Variants in PTPRM observed in about 807,000 individuals in gnomAD.
The protein encoded by PTPRM is protein tyrosine phosphatase receptor type M, also known as receptor-type tyrosine-protein phosphatase mu.
Under a neutral mutation model 186.7 loss-of-function variants are expected in PTPRM, and 47 were observed. The ratio of observed to expected loss-of-function variants is 0.25; its 90% CI spans 0.20 to 0.32. PTPRM has a LOEUF of 0.32. Among genes scored for constraint, PTPRM ranks in the 10% least tolerant of loss-of-function variants. The probability of loss-of-function intolerance (pLI) is 1.00; values close to 1 mark genes in which losing one functional copy is unlikely to be tolerated. For synonymous variants in PTPRM, 668 were observed against 674.9 expected (o/e 0.99, Z 0.16); for missense variants, 1,494 against 1,865.0 (o/e 0.80, Z 3.66).
At position 8,039,457 on chromosome 18, in the gene PTPRM, T is replaced by G. The variant is rs975399488; in HGVS notation, c.1133-30229T>G. Among the ~76,000 whole-genome samples, 3 of 152,276 alleles carry G rather than the reference T, an allele frequency of 2.0e-5. No homozygotes were observed. In the East Asian group the frequency reaches 5.8e-4, roughly 29 times the overall value. On this transcript the variant is annotated intron_variant, in intron 7 of 32. Transcript: ENST00000580170. Reference sequence around the variant, plus strand: ...ATACTGTTTGATTCTATAATAAGTATTCAAAAAATGGTAGGGATTATCTTT... The same window carrying G: ...ATACTGTTTGATTCTATAATAAGTAGTCAAAAAATGGTAGGGATTATCTTT...
chr18:7,872,671 C>T (rs1419549871), intron 2 of PTPRM, among the ~76,000 whole-genome samples: 1 of 152,152 alleles, frequency 6.6e-6, no homozygotes, highest in Non-Finnish European at 1.5e-5. Context: ...ATTCACGTGG[C>T]ATCTCTTGAC....
In PTPRM at chr18:7,888,235, C is replaced by A. The variant is rs2048884570; in HGVS notation, c.326C>A (p.Ser109Tyr). Residue 109 changes from serine (S) to tyrosine (Y), a missense_variant, in exon 3 of 33, where the codon TCT becomes TAT. By Grantham distance (144) the Ser-to-Tyr change is moderately radical. Coordinates refer to ENST00000580170, the MANE Select transcript of PTPRM (RefSeq NM_001105244.2). ...TATTTTGTGTCCAGCAAGAGTAATT[C>A]TCCTCCGGGGTTACTCAATGTCTAC... The part of the protein sequence containing the change: ...FHYFVSSKSN[S>Y]PPGLLNVYVK... The A allele has an allele frequency of 6.2e-7, 1 of 1,614,012 alleles. No individual in the cohort carries two copies. Among genetic ancestry groups the A allele is most frequent in the Non-Finnish European group, 8.5e-7 (1 of 1,180,022 alleles).
chr18:7,662,761 G>A (rs574034910), intron 1 of PTPRM, among the ~76,000 whole-genome samples: 14 of 151,938 alleles, frequency 9.2e-5, no homozygotes, highest in East Asian at 3.8e-4. Context: ...TGTATACCCC[G>A]TTTACCCTGA....
intron 1 of PTPRM, chr18:7,749,150 C>T (rs2041089170): frequency 6.6e-6 from 1 of 152,174 alleles, no homozygotes; most frequent in African/African-American, 2.4e-5. Flanking sequence ...TCATGAAGAA[C>T]CAAGGGGCAC....
chr18:8,218,122 C>T (rs2094111442), intron 14 of PTPRM, among the ~76,000 whole-genome samples: 1 of 152,156 alleles, frequency 6.6e-6, no homozygotes, highest in South Asian at 2.1e-4. Context: ...ATTACAGCTA[C>T]ACATGTCCTT....
At chr18:8,043,972 T>C (rs661644) in intron 7 of PTPRM, among the ~76,000 whole-genome samples, 151,201 of 152,322 alleles carry the variant, frequency 0.99, 75,047 homozygotes, top group Middle Eastern at 1. Context: ...AGACCGGGCT[T>C]CTGCACCCTC....
intron 7 of PTPRM, among the ~76,000 whole-genome samples, chr18:7,959,431 TC>T (rs1445640387): frequency 6.6e-6 from 1 of 152,188 alleles, no homozygotes; most frequent in East Asian, 1.9e-4. Context: ...GTGACACCTG[TC>T]CTATCATTTT....
At chr18:7,621,521 A>G (rs1158184795) in intron 1 of PTPRM, among the ~76,000 whole-genome samples, 1 of 152,148 alleles carries the variant, frequency 6.6e-6, no homozygotes, top group Non-Finnish European at 1.5e-5. Flanking sequence ...GATGTTGAAC[A>G]TTATGTGGGT....
chr18:8,030,974 T>C (rs2085928064), intron 7 of PTPRM, among the ~76,000 whole-genome samples: 2 of 152,220 alleles, frequency 1.3e-5, no homozygotes, highest in Admixed American at 6.5e-5. Context: ...ATACTTGTGT[T>C]TTCTTTATAC....
At chr18:7,650,212 T>C (rs2038664832) in intron 1 of PTPRM, among the ~76,000 whole-genome samples, 1 of 152,102 alleles carries the variant, frequency 6.6e-6, no homozygotes, top group South Asian at 2.1e-4. Flanking sequence ...TTTCATATCT[T>C]CAAGGGGCCC....
At chr18:8,267,967 T>G (rs2094722522) in intron 19 of PTPRM, among the ~76,000 whole-genome samples, 2 of 152,216 alleles carry the variant, frequency 1.3e-5, no homozygotes, top group African/African-American at 4.8e-5. Context: ...TATTATTATT[T>G]GTCTCCTACT....
intron 6 of PTPRM, 46 bp downstream of exon 6, chr18:7,949,401 T>C (rs866735892): frequency 6.8e-7 from 1 of 1,477,456 alleles, no homozygotes; most frequent in Non-Finnish European, 9.2e-7. Context: ...AAAGTAGATA[T>C]GTTAGGTGTT....
chr18:7,802,828 A>C (rs1016923276), intron 2 of PTPRM, among the ~76,000 whole-genome samples: 2 of 152,212 alleles, frequency 1.3e-5, no homozygotes, highest in Non-Finnish European at 2.9e-5. Context: ...AAAAACTGTT[A>C]TGTTTCATGC....
intron 14 of PTPRM, among the ~76,000 whole-genome samples, chr18:8,175,815 C>T (rs571007125): frequency 3.9e-5 from 6 of 152,282 alleles, no homozygotes; most frequent in East Asian, 1.9e-4. Context: ...TGAAACATTA[C>T]GTATTTTAGC....
intron 24 of PTPRM, among the ~76,000 whole-genome samples, chr18:8,373,688 C>T (rs922700607): frequency 6.6e-6 from 1 of 152,124 alleles, no homozygotes; most frequent in East Asian, 1.9e-4. Flanking sequence ...CTTAAGCACC[C>T]ACTTCAGGCC....
chr18:8,319,955 G>A (rs1258099056), intron 22 of PTPRM, among the ~76,000 whole-genome samples: 1 of 152,098 alleles, frequency 6.6e-6, no homozygotes, highest in Non-Finnish European at 1.5e-5. Context: ...CGTATGAAGT[G>A]GGTCATCTGC....
chr18:7,936,848 C>A (rs143764623), intron 5 of PTPRM, among the ~76,000 whole-genome samples: 1 of 152,178 alleles, frequency 6.6e-6, no homozygotes, highest in East Asian at 1.9e-4. Flanking sequence ...CAGACTCGAG[C>A]ACTCAGGCCG....
intron 1 of PTPRM, among the ~76,000 whole-genome samples, chr18:7,733,164 A>T (rs2040696480): frequency 6.6e-6 from 1 of 152,056 alleles, no homozygotes. Context: ...GGTTTGCTGC[A>T]CCTATCAACC....
In PTPRM at chr18:8,069,848, A is replaced by G; in HGVS notation, c.1295A>G (p.Glu432Gly). ...GGAGGACAAGAACAAGTGCGAGAAG[A>G]AGTAAGCTGGGATACAGAAAACTCA... is the stretch of plus-strand genomic sequence containing the variant. ...QVGGQEQVRE[E>G]VSWDTENSHP... Residue 432 changes from glutamate (E) to glycine (G), a missense_variant, in exon 8 of 33, where the codon GAA (glutamate) becomes GGA (glycine). This residue lies in a region of PTPRM where 1,107 missense variants were observed against 1,350.2 expected (regional missense o/e 0.82). Transcript: ENST00000580170. 1 of 1,614,056 alleles carries G rather than the reference A, an allele frequency of 6.2e-7. No individual in the cohort carries two copies. The highest frequency in any genetic ancestry group is 8.5e-7 in the Non-Finnish European group (1 of 1,179,970).
Sources: allele counts gnomAD v4.1 joint callset (sites outside exome capture counted in the v4.1 genomes callset), GRCh38; gene constraint gnomAD v4.1.1; regional missense constraint gnomAD v4.1.1; transcripts MANE v1.5; gene names NCBI Gene and HGNC (gene_info 2026-07-23, HGNC 2026-07-21).